SHISA9: variants seen among roughly 807,000 people sequenced by gnomAD.
SHISA9 encodes the protein shisa family member 9.
A neutral mutation model predicts 38.0 loss-of-function variants in SHISA9; 13 were observed. The ratio of observed to expected loss-of-function variants is 0.34; its 90% CI spans 0.22 to 0.54. The LOEUF (loss-of-function observed/expected upper bound fraction) is 0.54. SHISA9 is among the 20% of genes least tolerant of loss of function. The pLI, the probability that SHISA9 is intolerant of heterozygous loss-of-function variation, is 0.91. For missense variants in SHISA9, 538 were observed against 575.8 expected, an observed-to-expected ratio of 0.93 and a Z score of 0.67; for synonymous variants, 275 against 242.0, an observed-to-expected ratio of 1.14 and a Z score of -1.27.
At chr16:13,550,453 A>G in the SHISA9 span, among the ~76,000 whole-genome samples, 1 of 152,234 alleles carries the variant, frequency 6.6e-6, no homozygotes, top group Non-Finnish European at 1.5e-5. Flanking sequence ...TGTCCTCGTC[A>G]TCATTTTAAA....
the SHISA9 span, among the ~76,000 whole-genome samples, chr16:13,474,890 T>C: frequency 6.6e-6 from 1 of 152,014 alleles, no homozygotes; most frequent in Non-Finnish European, 1.5e-5. Context: ...TCCTGTGTGT[T>C]TGGGGAGTGA....
the SHISA9 span, among the ~76,000 whole-genome samples, chr16:13,487,042 C>T: frequency 1.3e-5 from 2 of 152,178 alleles, no homozygotes; most frequent in Non-Finnish European, 2.9e-5. Context: ...CTTGGTTCTG[C>T]ACCAGGCTAG....
intron 2 of SHISA9, among the ~76,000 whole-genome samples, chr16:13,193,379 T>G (rs898120646): frequency 2.6e-5 from 4 of 152,046 alleles, no homozygotes; most frequent in African/African-American, 4.8e-5. Context: ...TTAGATGGAG[T>G]CTTGCTCTGT....
chr16:13,027,508 C>G (rs2072937357), intron 2 of SHISA9, among the ~76,000 whole-genome samples: 1 of 152,148 alleles, frequency 6.6e-6, no homozygotes, highest in South Asian at 2.1e-4. Flanking sequence ...CATAGAAGCT[C>G]TATTCATAAT....
the SHISA9 span, among the ~76,000 whole-genome samples, chr16:13,423,084 G>A: frequency 2.0e-5 from 3 of 152,198 alleles, no homozygotes; most frequent in African/African-American, 7.2e-5. Flanking sequence ...TAAAATGAGA[G>A]GAAGGAGCTT....
the SHISA9 span, among the ~76,000 whole-genome samples, chr16:13,384,918 C>T: frequency 6.6e-6 from 1 of 152,096 alleles, no homozygotes; most frequent in Non-Finnish European, 1.5e-5. Flanking sequence ...ATTTGAAAAC[C>T]ACTATCTGGT....
the SHISA9 span, among the ~76,000 whole-genome samples, chr16:13,542,413 G>A: frequency 6.6e-6 from 1 of 152,128 alleles, no homozygotes; most frequent in African/African-American, 2.4e-5. Flanking sequence ...GCTCCTGTGG[G>A]ACAGATAACA....
intron 2 of SHISA9, among the ~76,000 whole-genome samples, chr16:12,992,362 T>TAAAA (rs34729407): frequency 6.2e-5 from 7 of 113,736 alleles, no homozygotes; most frequent in African/African-American, 2.0e-4. Flanking sequence ...CCATCTCTAC[T>TAAAA]AAAAAAAAAA....
chr16:12,912,631 A>C (rs1408086350), intron 1 of SHISA9, among the ~76,000 whole-genome samples: 1 of 152,164 alleles, frequency 6.6e-6, no homozygotes. Context: ...CTTTTGTCTC[A>C]AAACTTTCTT....
chr16:13,202,951 C>G (rs181582282), intron 2 of SHISA9, among the ~76,000 whole-genome samples: 3 of 152,302 alleles, frequency 2.0e-5, no homozygotes, highest in Admixed American at 2.0e-4. Flanking sequence ...TAAGAGGCCT[C>G]CCTGTGCTCA....
chr16:13,541,614 T>G, the SHISA9 span, among the ~76,000 whole-genome samples: 2 of 152,200 alleles, frequency 1.3e-5, no homozygotes, highest in Non-Finnish European at 2.9e-5. Flanking sequence ...CAGTTAAAAC[T>G]CATGAAATAT....
chr16:13,507,904 A>T, the SHISA9 span, among the ~76,000 whole-genome samples: 22 of 152,356 alleles, frequency 1.4e-4, no homozygotes, highest in African/African-American at 4.8e-4. Flanking sequence ...TTAGGTGCAC[A>T]CACTATTTTA....
the SHISA9 span, among the ~76,000 whole-genome samples, chr16:13,386,307 C>G: frequency 2.0e-5 from 3 of 152,090 alleles, no homozygotes; most frequent in Non-Finnish European, 4.4e-5. Flanking sequence ...AGCTGAAATC[C>G]CAATGGTTTC....
chr16:13,263,318 C>G, the SHISA9 span, among the ~76,000 whole-genome samples: 2 of 152,230 alleles, frequency 1.3e-5, no homozygotes, highest in Admixed American at 6.5e-5. Flanking sequence ...CAATTGTAAT[C>G]CCATGTTGGA....
At chr16:13,259,481 C>T in the SHISA9 span, among the ~76,000 whole-genome samples, 1 of 152,368 alleles carries the variant, frequency 6.6e-6, no homozygotes, top group East Asian at 1.9e-4. Flanking sequence ...CAAGTAGGGA[C>T]TCTGTGTGGG....
chr16:13,144,117 C>T (rs999421860), intron 2 of SHISA9, among the ~76,000 whole-genome samples: 6 of 146,500 alleles, frequency 4.1e-5, no homozygotes, highest in Non-Finnish European at 5.9e-5. Flanking sequence ...AGTGTAATAT[C>T]CTAGTATGGG....
the SHISA9 span, among the ~76,000 whole-genome samples, chr16:13,326,331 C>T: frequency 2.6e-5 from 4 of 152,112 alleles, no homozygotes; most frequent in Non-Finnish European, 5.9e-5. Context: ...TAAGTTGACA[C>T]GTAAAAGTAA....
the SHISA9 span, among the ~76,000 whole-genome samples, chr16:13,450,366 C>T: frequency 1.3e-5 from 2 of 152,166 alleles, no homozygotes; most frequent in Non-Finnish European, 2.9e-5. Context: ...GAATATTACT[C>T]TTAGCCAAAC....
chr16:13,457,115 T>C, the SHISA9 span, among the ~76,000 whole-genome samples: 1 of 152,252 alleles, frequency 6.6e-6, no homozygotes, highest in African/African-American at 2.4e-5. Flanking sequence ...GAGACCAGCC[T>C]GACCAATGTG....
Sources: allele counts gnomAD v4.1 joint callset (sites outside exome capture counted in the v4.1 genomes callset), GRCh38; gene constraint gnomAD v4.1.1; transcripts MANE v1.5; gene names NCBI Gene and HGNC (gene_info 2026-07-23, HGNC 2026-07-21).